TMEM131L: variants seen among roughly 807,000 people sequenced by gnomAD.
TMEM131L encodes transmembrane protein 131-like.
In TMEM131L, 54 loss-of-function variants were observed where a neutral mutation model predicts 192.2. The observed-to-expected ratio is 0.28, with a 90% CI of 0.23 to 0.35. The LOEUF (loss-of-function observed/expected upper bound fraction) is 0.35, where lower values mean the gene tolerates loss of function less well. TMEM131L is among the 10% of genes least tolerant of loss of function. The pLI is 1.00. For synonymous variants in TMEM131L, 701 were observed against 704.9 expected, an observed-to-expected ratio of 0.99 and a Z score of 0.09; for missense variants, 1,888 against 1,972.9, an observed-to-expected ratio of 0.96 and a Z score of 0.82.
In TMEM131L at chr4:153,612,323, C is replaced by G. The variant is rs1732678093; in HGVS notation, c.3490C>G (p.Pro1164Ala). 6.3e-7 allele frequency: 1 copy of G among 1,598,744 alleles called. No homozygotes were observed. The highest frequency in any genetic ancestry group is 1.3e-5 in the African/African-American group (1 of 74,468). Reference protein sequence around the residue: ...CENLKKVDTKPSSEKKIHKTS... With the variant: ...CENLKKVDTKASSEKKIHKTS... ...AAATTTGAAGAAGGTGGACACAAAG[C>G]CTTCTTCAGAAAAGAAGATTCACAA... The change falls in exon 26 of 35, where the codon CCT becomes GCT. Residue 1164 changes from proline to alanine, a missense_variant. Pro to Ala is a conservative substitution (Grantham distance 27). Transcript: ENST00000409959.
chr4:153,563,244 G>T lies in TMEM131L; in HGVS notation c.660+4876G>T, dbSNP rs567557786. 2.0e-5 allele frequency among the ~76,000 whole-genome samples: 3 copies of T among 152,260 alleles called. No homozygotes were observed. The East Asian group carries it at 5.8e-4, about 29-fold the overall frequency. On this transcript the variant is annotated intron_variant, in intron 7 of 34. Coordinates refer to ENST00000409959, the MANE Select transcript of TMEM131L (RefSeq NM_001131007.2). Reference sequence around the variant, plus strand: ...CAGGAATATTTTATAAAACTGTGGAGCATGGATTGTAAAATGGGAGATGTG... The same window carrying T: ...CAGGAATATTTTATAAAACTGTGGATCATGGATTGTAAAATGGGAGATGTG...
rs960479300 is a variant in TMEM131L, at chr4:153,633,920, C to T, written c.4329-272C>T. Among the ~76,000 whole-genome samples the T allele has an allele frequency of 5.8e-4, 88 of 152,168 alleles. 2 individuals carry two copies. The highest frequency in any genetic ancestry group is 2.1e-4 in the South Asian group (1 of 4,830). Reference sequence around the variant, plus strand: ...TTCTTTCACAGTGCTGATAAAGCCACGGCTCTCTATTCTGTCTCTAGTTAG... The same window carrying T: ...TTCTTTCACAGTGCTGATAAAGCCATGGCTCTCTATTCTGTCTCTAGTTAG... On this transcript the variant is annotated intron_variant, in intron 32 of 34. Transcript: ENST00000409959.
intron 3 of TMEM131L, among the ~76,000 whole-genome samples, chr4:153,540,833 C>T (rs1188436276): frequency 6.6e-6 from 1 of 152,164 alleles, no homozygotes; most frequent in East Asian, 1.9e-4. Context: ...GCATTGTCCA[C>T]CCATGATCAA....
rs1730505355 is a variant in TMEM131L at position 153,583,569 on chromosome 4, A to G, written c.957A>G (p.Ile319Met). The G allele has an allele frequency of 2.5e-6, 4 of 1,603,476 alleles. No individual in the cohort carries two copies. Among genetic ancestry groups the G allele is most frequent in the Non-Finnish European group, 3.4e-6 (4 of 1,171,108 alleles). Residue 319 changes from isoleucine to methionine, a missense_variant, in exon 11 of 35, where the codon ATA (isoleucine) becomes ATG (methionine). Coordinates refer to ENST00000409959, the MANE Select transcript of TMEM131L (RefSeq NM_001131007.2). ...SGNSLIWIQD[I>M]RHFSQRDALS... ...GGACTTTTCTTTTATTTCAGGATAT[A>G]CGCCATTTCTCACAGAGAGATGCTC...
At chr4:153,488,379 T>C (rs1006099625) in intron 3 of TMEM131L, among the ~76,000 whole-genome samples, 6 of 152,356 alleles carry the variant, frequency 3.9e-5, no homozygotes, top group African/African-American at 1.4e-4. Flanking sequence ...CACCCCGTCC[T>C]GCAGCTGGAG....
intron 3 of TMEM131L, among the ~76,000 whole-genome samples, chr4:153,525,428 C>T (rs1735399981): frequency 6.6e-6 from 1 of 152,140 alleles, no homozygotes; most frequent in Admixed American, 6.5e-5. Flanking sequence ...CAACCTCTGC[C>T]TCCAAGGTTC....
At chr4:153,563,649 G>A (rs1405021647) in intron 7 of TMEM131L, among the ~76,000 whole-genome samples, 1 of 151,336 alleles carries the variant, frequency 6.6e-6, no homozygotes, top group Admixed American at 6.6e-5. Context: ...TGTATTTTTT[G>A]TAGAGACAAG....
chr4:153,522,932 G>C (rs541826458), intron 3 of TMEM131L, among the ~76,000 whole-genome samples: 34 of 152,302 alleles, frequency 2.2e-4, no homozygotes, highest in African/African-American at 7.9e-4. Context: ...ATCTAGACCA[G>C]GCAGAGGAAA....
At chr4:153,613,585 G>T (rs1445053459) in intron 26 of TMEM131L, among the ~76,000 whole-genome samples, 1 of 152,084 alleles carries the variant, frequency 6.6e-6, no homozygotes, top group African/African-American at 2.4e-5. Flanking sequence ...AAACTTGACA[G>T]TTCCCTTGGT....
intron 7 of TMEM131L, among the ~76,000 whole-genome samples, chr4:153,564,746 T>G (rs1172497000): frequency 1.3e-5 from 2 of 152,204 alleles, no homozygotes; most frequent in East Asian, 3.8e-4. Flanking sequence ...CATGTCACTC[T>G]GCTGCTGGTG....
chr4:153,635,922 G>A (rs1361340268), intron 34 of TMEM131L, among the ~76,000 whole-genome samples: 2 of 152,198 alleles, frequency 1.3e-5, no homozygotes, highest in South Asian at 2.1e-4. Context: ...TCACCGATAC[G>A]AGATGAAAGT....
At chr4:153,582,420 G>GTTTTTTTTTTTTTTTTTTTTTTTTT (rs1216119441) in intron 9 of TMEM131L, among the ~76,000 whole-genome samples, 3 of 81,842 alleles carry the variant, frequency 3.7e-5, no homozygotes, top group African/African-American at 5.5e-5. Context: ...AATTTAAACC[G>GTTTTTTTTTTTTTTTTTTTTTTTTT]TTTTTTTTTG....
At chr4:153,631,853 A>G (rs1734233959) in intron 31 of TMEM131L, among the ~76,000 whole-genome samples, 1 of 152,012 alleles carries the variant, frequency 6.6e-6, no homozygotes, top group South Asian at 2.1e-4. Context: ...CTACACTGAT[A>G]TCCTTGCTGT....
intron 3 of TMEM131L, among the ~76,000 whole-genome samples, chr4:153,529,006 T>C (rs1735702465): frequency 6.6e-6 from 1 of 152,054 alleles, no homozygotes; most frequent in Non-Finnish European, 1.5e-5. Flanking sequence ...TCCAGTGAGC[T>C]GAGGAAGAAC....
chr4:153,510,023 C>T (rs1203739303), intron 3 of TMEM131L, among the ~76,000 whole-genome samples: 1 of 152,160 alleles, frequency 6.6e-6, no homozygotes, highest in African/African-American at 2.4e-5. Flanking sequence ...TTTAAAAGCC[C>T]ATCTGATCGA....
At chr4:153,506,178 C>T (rs1349402594) in intron 3 of TMEM131L, among the ~76,000 whole-genome samples, 2 of 152,078 alleles carry the variant, frequency 1.3e-5, no homozygotes, top group Non-Finnish European at 2.9e-5. Flanking sequence ...CCAGGTGATA[C>T]CTGGGAAAAG....
intron 7 of TMEM131L, among the ~76,000 whole-genome samples, chr4:153,574,328 T>G (rs200131431): frequency 1.4e-5 from 2 of 147,768 alleles, no homozygotes. Context: ...GTGGTGGTGG[T>G]GGGGGTTGAA....
rs142888534 is a variant in TMEM131L at position 153,606,186 on chromosome 4, A to G, written c.3418+1756A>G. 1.2e-4 allele frequency among the ~76,000 whole-genome samples: 19 copies of G among 152,310 alleles called. No individual in the cohort carries two copies. The East Asian group carries it at 3.7e-3, about 29-fold the overall frequency. On this transcript the variant is annotated intron_variant, in intron 25 of 34. Transcript: ENST00000409959. ...CACTCTCTGGGGTCTAGAATACAAA[A>G]CATTTGTGAAAAGGTGAATTATGGA...
chr4:153,603,636 T>C (rs1399119253), intron 24 of TMEM131L, 166 bp from the exon 25 acceptor site: 2 of 970,868 alleles, frequency 2.1e-6, no homozygotes, highest in East Asian at 5.2e-5. Context: ...AAGGACTTAG[T>C]TGATGGGTAT....
Sources: allele counts gnomAD v4.1 joint callset (sites outside exome capture counted in the v4.1 genomes callset), GRCh38; gene constraint gnomAD v4.1.1; transcripts MANE v1.5; gene names NCBI Gene and HGNC (gene_info 2026-07-23, HGNC 2026-07-21).